Variants in LYPD1 observed in about 807,000 individuals in gnomAD.
LYPD1 encodes the protein ly6/PLAUR domain-containing protein 1.
A neutral mutation model predicts 14.2 loss-of-function variants in LYPD1; 14 were observed. The ratio of observed to expected loss-of-function variants is 0.99; its 90% CI spans 0.65 to 1.54. The LOEUF (loss-of-function observed/expected upper bound fraction) is 1.54. Ranked by LOEUF, LYPD1 falls within the 40% of genes most tolerant of loss-of-function variation. The pLI, the probability that LYPD1 is intolerant of heterozygous loss-of-function variation, is 0.00. For synonymous variants in LYPD1, 85 were observed against 70.6 expected, an observed-to-expected ratio of 1.20 and a Z score of -1.02; for missense variants, 165 against 175.7, an observed-to-expected ratio of 0.94 and a Z score of 0.34.
At chr2:132,653,358 T>A (rs534160946) in intron 2 of LYPD1, among the ~76,000 whole-genome samples, 5 of 152,198 alleles carry the variant, frequency 3.3e-5, no homozygotes, top group Admixed American at 2.6e-4. Flanking sequence ...GCTGGAGCAA[T>A]TTGAGCAACA....
At chr2:132,657,362 C>T (rs1682660321) in intron 2 of LYPD1, among the ~76,000 whole-genome samples, 1 of 152,152 alleles carries the variant, frequency 6.6e-6, no homozygotes, top group Admixed American at 6.5e-5. Context: ...GACTTATTAT[C>T]TCAGTATTAA....
chr2:132,651,122 C>T (rs1031610979), intron 2 of LYPD1, among the ~76,000 whole-genome samples: 10 of 152,290 alleles, frequency 6.6e-5, no homozygotes, highest in South Asian at 2.1e-4. Context: ...AGATTCTAGG[C>T]GGCCACAGGA....
chr2:132,646,968 C>CAAG (rs201123385), intron 2 of LYPD1, among the ~76,000 whole-genome samples: 2,300 of 152,230 alleles, frequency 0.015, 62 homozygotes, highest in African/African-American at 0.053. Flanking sequence ...AAAAGCTTCC[C>CAAG]AAGAAGACTA....
At chr2:132,659,521 T>C (rs1682806763) in intron 2 of LYPD1, among the ~76,000 whole-genome samples, 1 of 152,266 alleles carries the variant, frequency 6.6e-6, no homozygotes, top group African/African-American at 2.4e-5. Context: ...ACTGAGCTGC[T>C]GGCTGGAGAA....
intron 2 of LYPD1, among the ~76,000 whole-genome samples, chr2:132,650,499 CTA>C (rs982748584): frequency 6.6e-6 from 1 of 152,134 alleles, no homozygotes; most frequent in African/African-American, 2.4e-5. Flanking sequence ...TACAAAACGA[CTA>C]TACACAAGGT....
intron 2 of LYPD1, 69 bp downstream of exon 2, chr2:132,668,331 T>C (rs1486993707): frequency 4.4e-5 from 67 of 1,505,678 alleles, no homozygotes; most frequent in Non-Finnish European, 1.4e-5. Context: ...TCCTGCTATT[T>C]AATGGCCCCC....
chr2:132,660,949 C>T (rs1682896358), intron 2 of LYPD1, among the ~76,000 whole-genome samples: 1 of 152,194 alleles, frequency 6.6e-6, no homozygotes, highest in Admixed American at 6.5e-5. Flanking sequence ...TCTCAACCTG[C>T]TTTATCCTCA....
rs1011901177 is a variant in LYPD1 at position 132,644,313 on chromosome 2, T to C, written c.*1732A>G. Among the ~76,000 whole-genome samples the C allele has an allele frequency of 7.2e-5, 11 of 152,340 alleles. No homozygotes were observed. The highest frequency in any genetic ancestry group is 2.6e-4 in the African/African-American group (11 of 41,580). ...GAGTGGTCTCTTCTCTAGGGCCTGA[T>C]TGCTTCTGGGCTGTTGACAGCACAG... On this transcript the variant is annotated 3_prime_UTR_variant, in exon 3 of 3. Transcript: ENST00000397463.
rs368390252 is a variant in LYPD1, at chr2:132,643,805, C to T, written c.*2240G>A. 2.6e-5 allele frequency among the ~76,000 whole-genome samples: 4 copies of T among 152,288 alleles called. No homozygotes were observed. The highest frequency in any genetic ancestry group is 9.6e-5 in the African/African-American group (4 of 41,560). On this transcript the variant is annotated 3_prime_UTR_variant, in exon 3 of 3. Coordinates refer to ENST00000397463, the MANE Select transcript of LYPD1 (RefSeq NM_144586.7). ...AGAGTATTGAGATATCAGGCATGCGCCACCATGTCTGGCCCCCATTTATTA... is the reference window on the plus strand; with the variant it reads ...AGAGTATTGAGATATCAGGCATGCGTCACCATGTCTGGCCCCCATTTATTA...
rs1221173101 is a variant in LYPD1 at position 132,646,094 on chromosome 2, C to G, written c.377G>C (p.Arg126Pro). Residue 126 changes from arginine to proline, a missense_variant, in exon 3 of 3, where the codon CGC becomes CCC. Coordinates refer to ENST00000397463, the MANE Select transcript of LYPD1 (RefSeq NM_144586.7). ...TAATTTGAGGAACAGGATGGTGGTG[C>G]GGAGCCCTGGCCTGAGGGCCGAGGC... ...SSASALRPGL[R>P]TTILFLKLAL... The G allele has an allele frequency of 6.2e-7, 1 of 1,604,444 alleles. No homozygotes were observed. The highest frequency in any genetic ancestry group is 8.5e-7 in the Non-Finnish European group (1 of 1,174,748).
chr2:132,666,499 T>C (rs1683281417), intron 2 of LYPD1, among the ~76,000 whole-genome samples: 1 of 152,190 alleles, frequency 6.6e-6, no homozygotes, highest in Non-Finnish European at 1.5e-5. Flanking sequence ...CTTGATTCTG[T>C]CTCTACCTGT....
Position 132,669,744 on chromosome 2 carries a change from A to T in LYPD1, c.52+137T>A. 2 of 1,444,146 alleles carry T rather than the reference A, an allele frequency of 1.4e-6. No homozygotes were observed. The highest frequency in any genetic ancestry group is 1.8e-6 in the Non-Finnish European group (2 of 1,100,680). 89.5% of individuals were successfully genotyped at this position (1,444,146 alleles called of 1,614,324 possible). On this transcript the variant is annotated intron_variant, in intron 1 of 2. Coordinates refer to ENST00000397463, the MANE Select transcript of LYPD1 (RefSeq NM_144586.7). The surrounding 1 kb of genome is among the most constrained non-coding windows in gnomAD (Gnocchi z 4.3). ...TCCCAGCCTCGCGCCCCGGGGCACC[A>T]GTCGCGGCCGCCAACTCCCGCTGGG... is the stretch of plus-strand genomic sequence containing the variant.
intron 2 of LYPD1, among the ~76,000 whole-genome samples, chr2:132,653,329 C>A (rs934949461): frequency 5.9e-5 from 9 of 152,176 alleles, no homozygotes; most frequent in African/African-American, 2.2e-4. Flanking sequence ...TTGGACTTTC[C>A]AACTTCCCAA....
At chr2:132,666,105 A>G (rs1340419998) in intron 2 of LYPD1, among the ~76,000 whole-genome samples, 3 of 152,224 alleles carry the variant, frequency 2.0e-5, no homozygotes, top group Non-Finnish European at 4.4e-5. Context: ...ACGAGATTCT[A>G]TATGTGCAAC....
rs774875035 is a variant in LYPD1 at position 132,645,166 on chromosome 2, G to A, written c.*879C>T. The A allele has an allele frequency of 2.5e-6, 4 of 1,614,062 alleles. No individual in the cohort carries two copies. In the African/African-American group the frequency reaches 5.3e-5, roughly 22 times the overall value. ...CCAGATTCGGAGGATCATGGCTGCG[G>A]CCAAACCCAAGCACGACTGGACGAG... is the stretch of plus-strand genomic sequence containing the variant. On this transcript the variant is annotated 3_prime_UTR_variant, in exon 3 of 3. Coordinates refer to ENST00000397463, the MANE Select transcript of LYPD1 (RefSeq NM_144586.7).
intron 2 of LYPD1, among the ~76,000 whole-genome samples, chr2:132,657,687 G>C (rs1420522026): frequency 6.6e-6 from 1 of 152,182 alleles, no homozygotes; most frequent in African/African-American, 2.4e-5. Context: ...TAGAATTCTA[G>C]AATGGCATGT....
chr2:132,659,672 A>G lies in LYPD1; in HGVS notation c.190+8728T>C, dbSNP rs899949803. Among the ~76,000 whole-genome samples the G allele has an allele frequency of 2.6e-5, 4 of 152,068 alleles. No individual in the cohort carries two copies. In the South Asian group the frequency reaches 8.3e-4, roughly 32 times the overall value. On this transcript the variant is annotated intron_variant, in intron 2 of 2. Transcript: ENST00000397463. ...TTGTCCTTCCTCTCAGAGAATGTTA[A>G]CTCATCAGCCTCCAGGTGTGGCTCC...
At position 132,668,287 on chromosome 2, in the gene LYPD1, A is replaced by G. The variant is rs16839330; in HGVS notation, c.190+113T>C. 12,751 of 1,304,378 alleles carry G rather than the reference A, an allele frequency of 9.8e-3. 736 individuals carry two copies. In the African/African-American group the frequency reaches 0.14, roughly 15 times the overall value. 80.8% of individuals were successfully genotyped at this position (1,304,378 alleles called of 1,614,324 possible). A position where few individuals can be genotyped will look rare whatever the true frequency, so the allele number is the denominator to read the frequency against. ...CTGTAAAACTAAATCTGCGATAACC[A>G]GTGTGTGGGCATTAAATCAAAGTCA... is the stretch of plus-strand genomic sequence containing the variant. On this transcript the variant is annotated intron_variant, in intron 2 of 2. Transcript: ENST00000397463.
rs984040667 is a variant in LYPD1 at position 132,669,732 on chromosome 2, C to T, written c.52+149G>A. 15 of 1,434,912 alleles carry T rather than the reference C, an allele frequency of 1.0e-5. No individual in the cohort carries two copies. The African/African-American group carries it at 1.5e-4, about 14-fold the overall frequency. The allele number at this position is 1,434,912 out of a possible 1,614,324, so 88.9% of individuals were successfully genotyped here. A position where few individuals can be genotyped will look rare whatever the true frequency, so the allele number is the denominator to read the frequency against. ...ACTTGGACACTTTCCCAGCCTCGCGCCCCGGGGCACCAGTCGCGGCCGCCA... is the reference window on the plus strand; with the variant it reads ...ACTTGGACACTTTCCCAGCCTCGCGTCCCGGGGCACCAGTCGCGGCCGCCA... On this transcript the variant is annotated intron_variant, in intron 1 of 2. Transcript: ENST00000397463. This position sits in a 1 kb window ranked among gnomAD's most constrained non-coding sequence, Gnocchi z 4.3.
Sources: gnomAD v4.1 joint callset for allele counts (sites outside exome capture counted in the v4.1 genomes callset) on GRCh38, gnomAD v4.1.1 for gene constraint, Gnocchi (gnomAD v3.1) non-coding constraint, MANE v1.5 for transcripts, NCBI Gene and HGNC (gene_info 2026-07-23, HGNC 2026-07-21) for gene names.